The following TRPM3 variants were observed in gnomAD, a reference collection of about 807,000 sequenced individuals.
The protein encoded by TRPM3 is transient receptor potential cation channel subfamily M member 3, also known as long transient receptor potential channel 3.
In TRPM3, 77 loss-of-function variants were observed where a neutral mutation model predicts 181.2. The observed-to-expected ratio is 0.42, with a 90% CI of 0.35 to 0.51. TRPM3 has a LOEUF of 0.51. TRPM3 is among the 20% of genes least tolerant of loss of function. TRPM3 has a pLI of 0.01. For synonymous variants in TRPM3, 745 were observed against 796.4 expected, an observed-to-expected ratio of 0.94 and a Z score of 1.09; for missense variants, 1,759 against 2,196.7, an observed-to-expected ratio of 0.80 and a Z score of 3.98.
At chr9:71,193,981 A>G (rs1003433065) in intron 1 of TRPM3, among the ~76,000 whole-genome samples, 1 of 152,000 alleles carries the variant, frequency 6.6e-6, no homozygotes, top group Non-Finnish European at 1.5e-5. Flanking sequence ...ATAAATATGC[A>G]TACACATATA....
chr9:70,969,043 A>C (rs2133898544), intron 1 of TRPM3, among the ~76,000 whole-genome samples: 1 of 152,354 alleles, frequency 6.6e-6, no homozygotes, highest in African/African-American at 2.4e-5. Flanking sequence ...GCTTCTGCAC[A>C]GCAAAAGAAA....
At chr9:71,058,366 A>C (rs2060908261) in intron 1 of TRPM3, among the ~76,000 whole-genome samples, 1 of 152,016 alleles carries the variant, frequency 6.6e-6, no homozygotes, top group Admixed American at 6.6e-5. Flanking sequence ...AAGCCAAACC[A>C]GGGACGGAGA....
At chr9:70,643,423 G>A (rs1262845554) in intron 9 of TRPM3, among the ~76,000 whole-genome samples, 2 of 152,206 alleles carry the variant, frequency 1.3e-5, no homozygotes, top group African/African-American at 4.8e-5. Context: ...CACATAGCAG[G>A]AAGCAGTTAT....
chr9:71,286,887 A>G (rs1050061258), intron 1 of TRPM3, among the ~76,000 whole-genome samples: 2 of 148,806 alleles, frequency 1.3e-5, no homozygotes, highest in Admixed American at 1.4e-4. Flanking sequence ...TCAAACCTCA[A>G]ATATCACCTC....
At chr9:70,988,714 T>G (rs554101207) in intron 1 of TRPM3, among the ~76,000 whole-genome samples, 2 of 152,306 alleles carry the variant, frequency 1.3e-5, no homozygotes, top group Non-Finnish European at 2.9e-5. Context: ...CCCGTAAAAG[T>G]AGAGTTTTCT....
intron 1 of TRPM3, among the ~76,000 whole-genome samples, chr9:71,246,127 G>C (rs556945108): frequency 6.6e-6 from 1 of 152,244 alleles, no homozygotes; most frequent in African/African-American, 2.4e-5. Flanking sequence ...TCCTTATTTG[G>C]TGGTCTAACC....
chr9:71,075,037 T>A lies in TRPM3; in HGVS notation c.177+46141A>T, dbSNP rs563169046. Among the ~76,000 whole-genome samples the A allele has an allele frequency of 2.7e-4, 41 of 152,268 alleles. No individual in the cohort carries two copies. In the South Asian group the frequency reaches 6.4e-3, roughly 24 times the overall value. On this transcript the variant is annotated intron_variant, in intron 1 of 25. Transcript: ENST00000677713. Reference sequence around the variant, plus strand: ...TATGCTGACTTCTAGAATTCAACAATTCTAGAAGTCACTGTCATTCTAGAA... The same window carrying A: ...TATGCTGACTTCTAGAATTCAACAAATCTAGAAGTCACTGTCATTCTAGAA...
rs571281439 is a variant in TRPM3, at chr9:71,350,576, A to C, written c.183+96077T>G. On this transcript the variant is annotated intron_variant, in intron 1 of 24. Transcript: ENST00000357533. ...CAGAATAATTGAACTGTTGACTCAC[A>C]TGAAGATTTGTATCACCTAAAATCC... Among the ~76,000 whole-genome samples the C allele has an allele frequency of 2.0e-5, 3 of 152,352 alleles. No homozygotes were observed. The South Asian group carries it at 6.2e-4, about 32-fold the overall frequency.
intron 1 of TRPM3, among the ~76,000 whole-genome samples, chr9:71,064,648 T>C (rs2061698857): frequency 6.6e-6 from 1 of 152,104 alleles, no homozygotes; most frequent in African/African-American, 2.4e-5. Flanking sequence ...AGTGGTTATT[T>C]AGGAGGAAAA....
chr9:71,207,033 G>A (rs2079166750), intron 1 of TRPM3, among the ~76,000 whole-genome samples: 1 of 151,970 alleles, frequency 6.6e-6, no homozygotes, highest in Non-Finnish European at 1.5e-5. Flanking sequence ...GGAGATGAAG[G>A]CATAGCTTCC....
chr9:71,210,978 C>A (rs996908655), intron 1 of TRPM3, among the ~76,000 whole-genome samples: 1 of 152,176 alleles, frequency 6.6e-6, no homozygotes, highest in Non-Finnish European at 1.5e-5. Context: ...TAGGGCTCCA[C>A]CCTATGACCT....
chr9:70,572,114 T>TTGTGTGTGTGTG (rs58492210), intron 22 of TRPM3, among the ~76,000 whole-genome samples: 11 of 149,966 alleles, frequency 7.3e-5, no homozygotes, highest in African/African-American at 1.7e-4. Context: ...TCCCAGTTAC[T>TTGTGTGTGTGTG]TGTGTGTGTG....
At chr9:71,330,214 T>C (rs920392380) in intron 1 of TRPM3, among the ~76,000 whole-genome samples, 3 of 152,000 alleles carry the variant, frequency 2.0e-5, no homozygotes, top group Admixed American at 1.3e-4. Context: ...GAGCAGAAAT[T>C]GCAGTCTGAA....
At chr9:70,537,891 G>T (rs902196575) in intron 25 of TRPM3, among the ~76,000 whole-genome samples, 2 of 152,170 alleles carry the variant, frequency 1.3e-5, no homozygotes, top group African/African-American at 2.4e-5. Context: ...TGAAATTTTA[G>T]AATCTAGCTA....
intron 22 of TRPM3, among the ~76,000 whole-genome samples, chr9:70,569,780 C>T (rs533489005): frequency 1.3e-5 from 2 of 152,294 alleles, no homozygotes; most frequent in African/African-American, 4.8e-5. Flanking sequence ...ACAGGGCCAG[C>T]TGGGTAGAGC....
chr9:70,828,055 A>C, intron 5 of TRPM3, 37 bp from the exon 6 acceptor site: 1 of 1,581,206 alleles, frequency 6.3e-7, no homozygotes, highest in Non-Finnish European at 8.6e-7. Flanking sequence ...GAAGTCAGAA[A>C]AAAAGAACAC....
At chr9:70,900,083 A>C (rs1176695168) in intron 1 of TRPM3, among the ~76,000 whole-genome samples, 1 of 152,244 alleles carries the variant, frequency 6.6e-6, no homozygotes, top group Non-Finnish European at 1.5e-5. Flanking sequence ...GAAAAGAAAA[A>C]TCAAGTTCCA....
chr9:70,857,249 C>T (rs939084921), intron 3 of TRPM3, among the ~76,000 whole-genome samples: 3 of 152,084 alleles, frequency 2.0e-5, no homozygotes, highest in African/African-American at 7.2e-5. Flanking sequence ...TGGTACTTAA[C>T]AGGAAGTCAG....
chr9:71,058,403 G>A lies in TRPM3; in HGVS notation c.177+62775C>T, dbSNP rs144461211. ...TGCACAGCTGCACAGCTGCAGGAGG[G>A]TTGGCTCTGAAGGTTAATCAAATGG... On this transcript the variant is annotated intron_variant, in intron 1 of 25. Coordinates refer to ENST00000677713, the MANE Select transcript of TRPM3 (RefSeq NM_001366145.2). Among the ~76,000 whole-genome samples the A allele has an allele frequency of 1.7e-4, 26 of 152,134 alleles. No homozygotes were observed. The East Asian group carries it at 4.5e-3, about 26-fold the overall frequency.
Sources: gnomAD v4.1 joint callset for allele counts (sites outside exome capture counted in the v4.1 genomes callset) on GRCh38, gnomAD v4.1.1 for gene constraint, MANE v1.5 for transcripts, NCBI Gene and HGNC (gene_info 2026-07-23, HGNC 2026-07-21) for gene names.